POC1B: variants seen among roughly 807,000 people sequenced by gnomAD.
POC1B encodes the protein POC1 centriolar protein B, also known as POC1 centriolar protein homolog B.
Under a neutral mutation model 60.6 loss-of-function variants are expected in POC1B, and 44 were observed. The ratio of observed to expected loss-of-function variants is 0.73; its 90% CI spans 0.57 to 0.93. POC1B has a LOEUF of 0.93. Among genes scored for constraint, POC1B ranks in the 40% least tolerant of loss-of-function variants. The pLI, the probability that POC1B is intolerant of heterozygous loss-of-function variation, is 0.00. For synonymous variants in POC1B, 180 were observed against 198.9 expected (o/e 0.90, Z 0.80); for missense variants, 555 against 572.3 (o/e 0.97, Z 0.31).
At chr12:89,525,518 A>G (rs1478055637) in intron 1 of POC1B, 1 of 1,309,916 alleles carries the variant, frequency 7.6e-7, no homozygotes, top group Non-Finnish European at 9.7e-7. Flanking sequence ...GGCCCAAGGC[A>G]GGCAGGTGCG....
At chr12:89,465,190 T>C (rs1365723067) in intron 9 of POC1B, among the ~76,000 whole-genome samples, 1 of 152,170 alleles carries the variant, frequency 6.6e-6, no homozygotes, top group Non-Finnish European at 1.5e-5. Context: ...TTTAATGGCT[T>C]TTTGGCTATA....
At chr12:89,428,857 T>A (rs1390745080) in intron 10 of POC1B, 1 of 152,158 alleles carries the variant, frequency 6.6e-6, no homozygotes, top group Admixed American at 6.6e-5. Context: ...AGCCCGGCTG[T>A]ATGCAGATTT....
chr12:89,479,387 AG>A (rs1340448498), intron 4 of POC1B, among the ~76,000 whole-genome samples: 7 of 152,188 alleles, frequency 4.6e-5, no homozygotes, highest in African/African-American at 1.7e-4. Context: ...TTGAATACAA[AG>A]CTTTTTCATG....
intron 9 of POC1B, chr12:89,460,149 G>A (rs868658096): frequency 9.0e-6 from 2 of 221,684 alleles, no homozygotes; most frequent in African/African-American, 4.7e-5. Flanking sequence ...TAAATCATTA[G>A]AATAGTCAGA....
chr12:89,466,213 G>A (rs189148817), intron 9 of POC1B, among the ~76,000 whole-genome samples: 75 of 152,270 alleles, frequency 4.9e-4, no homozygotes, highest in African/African-American at 1.7e-3. Flanking sequence ...ACAAAAGAAT[G>A]CTTAAATCAT....
At chr12:89,473,389 G>C (rs911905068) in intron 4 of POC1B, among the ~76,000 whole-genome samples, 1 of 152,214 alleles carries the variant, frequency 6.6e-6, no homozygotes, top group South Asian at 2.1e-4. Context: ...AAATCAAGAA[G>C]TCTGGGTGCA....
At chr12:89,459,027 A>G (rs1882368671) in intron 10 of POC1B, among the ~76,000 whole-genome samples, 1 of 152,240 alleles carries the variant, frequency 6.6e-6, no homozygotes, top group South Asian at 2.1e-4. Context: ...AAAAGAGATT[A>G]ACCAACGGCA....
intron 10 of POC1B, among the ~76,000 whole-genome samples, chr12:89,445,766 T>C (rs1881755618): frequency 1.3e-5 from 2 of 152,112 alleles, no homozygotes; most frequent in Non-Finnish European, 2.9e-5. Flanking sequence ...TGGGATCTAA[T>C]TAAACTAAAA....
chr12:89,499,577 G>C (rs1328947625), intron 2 of POC1B, among the ~76,000 whole-genome samples: 1 of 151,866 alleles, frequency 6.6e-6, no homozygotes. Flanking sequence ...GCAATCTCAT[G>C]ATCTGGTTTA....
intron 10 of POC1B, among the ~76,000 whole-genome samples, chr12:89,430,269 A>T (rs1276575774): frequency 6.6e-6 from 1 of 152,190 alleles, no homozygotes; most frequent in East Asian, 1.9e-4. Context: ...AATACAAAAC[A>T]TATCACATCC....
At chr12:89,463,935 G>T (rs1276673322) in intron 9 of POC1B, among the ~76,000 whole-genome samples, 1 of 152,118 alleles carries the variant, frequency 6.6e-6, no homozygotes. Flanking sequence ...TTTGCAAAAG[G>T]CCAAACTATT....
Position 89,471,660 on chromosome 12 carries a change from C to T in POC1B, c.630G>A (p.Val210=). 6.2e-7 allele frequency: 1 copy of T among 1,611,690 alleles called. No homozygotes were observed. Among genetic ancestry groups the T allele is most frequent in the Admixed American group, 1.7e-5 (1 of 59,694 alleles). The change falls in exon 6 of 12, where the codon GTG becomes GTA. Residue 210 remains valine (V), a synonymous_variant. Transcript: ENST00000313546. ...TGTTCACTCTTACATCCCAGACTTT[C>T]ACAGTTTGATCAGAACCTGCTGAAG... The part of the protein sequence containing the change: ...CIASAGSDQT[V]KVWDVRVNKL...
At chr12:89,525,599 A>G (rs912620134) in intron 1 of POC1B, 98 of 1,278,538 alleles carry the variant, frequency 7.7e-5, no homozygotes, top group Non-Finnish European at 9.3e-5. Context: ...CAGGCGCTCC[A>G]CGGAAACCCT....
chr12:89,521,331 C>T (rs1216071981), intron 2 of POC1B: 1 of 152,140 alleles, frequency 6.6e-6, no homozygotes, highest in Non-Finnish European at 1.5e-5. Context: ...TCTGGATCTC[C>T]TGACCTCGTG....
At chr12:89,521,931 CAG>C in intron 2 of POC1B, 1 of 398,680 alleles carries the variant, frequency 2.5e-6, no homozygotes, top group Non-Finnish European at 4.4e-6. Flanking sequence ...GGTTTAACTT[CAG>C]AGAGGCTTCA....
At chr12:89,438,637 C>T (rs1401479917) in intron 10 of POC1B, among the ~76,000 whole-genome samples, 1 of 152,188 alleles carries the variant, frequency 6.6e-6, no homozygotes, top group Non-Finnish European at 1.5e-5. Context: ...TCCTTGTTAC[C>T]TACTAGTCCT....
the POC1B span, among the ~76,000 whole-genome samples, chr12:89,411,873 C>T: frequency 3.9e-5 from 6 of 152,212 alleles, no homozygotes; most frequent in East Asian, 9.6e-4. Flanking sequence ...CTTGCAAGAA[C>T]ATCAGGTTTC....
rs1297278952 is a variant in POC1B, at chr12:89,513,067, T to C, written c.100+12053A>G. Among the ~76,000 whole-genome samples, 9 of 152,146 alleles carry C rather than the reference T, an allele frequency of 5.9e-5. 1 individual carries two copies. Among genetic ancestry groups the C allele is most frequent in the Admixed American group, 5.2e-4 (8 of 15,272 alleles). On this transcript the variant is annotated intron_variant, in intron 2 of 11. Transcript: ENST00000313546. ...CCTGGGAATATAAATTTTTGACAAG[T>C]TTCTCACTGAATTCTGATGCACATT...
chr12:89,449,307 T>A (rs1341059616), intron 10 of POC1B, among the ~76,000 whole-genome samples: 1 of 152,192 alleles, frequency 6.6e-6, no homozygotes, highest in Admixed American at 6.5e-5. Context: ...AAATGTTTAG[T>A]AGTATGTGAA....
Sources: allele counts gnomAD v4.1 joint callset (sites outside exome capture counted in the v4.1 genomes callset), GRCh38; gene constraint gnomAD v4.1.1; transcripts MANE v1.5; gene names NCBI Gene and HGNC (gene_info 2026-07-23, HGNC 2026-07-21).